SGCZ: variants seen among roughly 807,000 people sequenced by gnomAD.
The protein encoded by SGCZ is zeta-sarcoglycan.
A neutral mutation model predicts 41.3 loss-of-function variants in SGCZ; 40 were observed. The observed-to-expected ratio is 0.97, with a 90% CI of 0.75 to 1.26. The LOEUF (loss-of-function observed/expected upper bound fraction) is 1.26, where lower values mean the gene tolerates loss of function less well. Ranked by LOEUF, SGCZ falls within the 50% of genes most tolerant of loss-of-function variation. The pLI is 0.00. For synonymous variants in SGCZ, 206 were observed against 137.5 expected (o/e 1.50, Z -3.49); for missense variants, 552 against 369.8 (o/e 1.49, Z -4.04).
chr8:14,140,000 C>T (rs991247336), intron 5 of SGCZ, among the ~76,000 whole-genome samples: 2 of 152,134 alleles, frequency 1.3e-5, no homozygotes, highest in East Asian at 1.9e-4. Flanking sequence ...ATCAAATTTG[C>T]TTTATCCCTG....
intron 4 of SGCZ, among the ~76,000 whole-genome samples, chr8:14,236,394 T>C (rs975846143): frequency 1.3e-5 from 2 of 152,170 alleles, no homozygotes; most frequent in African/African-American, 4.8e-5. Context: ...ACTATATTTT[T>C]AGAAAATTCA....
At position 14,645,467 on chromosome 8, in the gene SGCZ, T is replaced by G. The variant is rs141320289; in HGVS notation, c.40-90541A>C. ...CCAATTAGAAAAGTATCATTGATTA[T>G]ATATATATATTTATATGTATATATA... On this transcript the variant is annotated intron_variant, in intron 1 of 7. Transcript: ENST00000382080. Among the ~76,000 whole-genome samples, 857 of 122,684 alleles carry G rather than the reference T, an allele frequency of 7.0e-3. 17 individuals carry two copies. The highest frequency in any genetic ancestry group is 0.021 in the Middle Eastern group (5 of 242). 80.5% of individuals were successfully genotyped at this position (122,684 alleles called of 152,430 possible).
At chr8:14,299,889 C>A (rs1280324862) in intron 3 of SGCZ, among the ~76,000 whole-genome samples, 1 of 151,936 alleles carries the variant, frequency 6.6e-6, no homozygotes, top group East Asian at 1.9e-4. Flanking sequence ...TATATTCTTA[C>A]AATAAAATAC....
At chr8:14,792,224 G>T (rs558887310) in intron 1 of SGCZ, among the ~76,000 whole-genome samples, 60 of 152,304 alleles carry the variant, frequency 3.9e-4, no homozygotes, top group African/African-American at 1.4e-3. Flanking sequence ...AAGTTTTACG[G>T]TTATAACATA....
At chr8:14,628,775 A>G (rs1272679615) in intron 1 of SGCZ, among the ~76,000 whole-genome samples, 2 of 152,134 alleles carry the variant, frequency 1.3e-5, no homozygotes, top group African/African-American at 4.8e-5. Flanking sequence ...AAGGTCATTT[A>G]TCTTTCCTGT....
intron 2 of SGCZ, among the ~76,000 whole-genome samples, chr8:14,430,837 T>A (rs1261084418): frequency 6.6e-6 from 1 of 152,182 alleles, no homozygotes; most frequent in Admixed American, 6.5e-5. Flanking sequence ...TACGTAAGAA[T>A]TCAGCAAAGT....
chr8:14,242,241 T>G (rs914502756), intron 3 of SGCZ, among the ~76,000 whole-genome samples: 1 of 152,210 alleles, frequency 6.6e-6, no homozygotes, highest in Non-Finnish European at 1.5e-5. Context: ...GTTTAACTAT[T>G]ACATTAAGTC....
intron 1 of SGCZ, among the ~76,000 whole-genome samples, chr8:14,819,078 G>C (rs75038447): frequency 0.029 from 4,372 of 150,494 alleles, 180 homozygotes; most frequent in African/African-American, 0.093. Flanking sequence ...CAACCCAAAA[G>C]AACCTTCCAA....
At chr8:14,284,817 A>G (rs962338246) in intron 3 of SGCZ, among the ~76,000 whole-genome samples, 4 of 152,156 alleles carry the variant, frequency 2.6e-5, no homozygotes, top group Non-Finnish European at 5.9e-5. Context: ...TATTTTCACT[A>G]ATAGAATATT....
Position 14,198,166 on chromosome 8 carries a change from A to T in SGCZ, c.425-33464T>A, listed in dbSNP as rs555804447. 1.4e-4 allele frequency among the ~76,000 whole-genome samples: 22 copies of T among 152,354 alleles called. No individual in the cohort carries two copies. The South Asian group carries it at 3.7e-3, about 26-fold the overall frequency. On this transcript the variant is annotated intron_variant, in intron 4 of 7. Coordinates refer to ENST00000382080, the MANE Select transcript of SGCZ (RefSeq NM_139167.4). ...GAGTAGCATGATGAAATCATATGCC[A>T]TCTCATTCTGTCCCACCTGGGACAT... is the stretch of plus-strand genomic sequence containing the variant.
intron 1 of SGCZ, among the ~76,000 whole-genome samples, chr8:15,032,513 C>T (rs1195210936): frequency 6.6e-6 from 1 of 152,084 alleles, no homozygotes; most frequent in Non-Finnish European, 1.5e-5. Flanking sequence ...CAGGCTGGGA[C>T]TTATGGACTG....
At chr8:14,718,045 A>G (rs1489061535) in intron 1 of SGCZ, among the ~76,000 whole-genome samples, 2 of 147,910 alleles carry the variant, frequency 1.4e-5, no homozygotes, top group South Asian at 2.1e-4. Context: ...AACTGACTCA[A>G]ATAGTTTTCC....
chr8:14,973,428 A>G (rs937546893), intron 1 of SGCZ, among the ~76,000 whole-genome samples: 1 of 152,124 alleles, frequency 6.6e-6, no homozygotes, highest in African/African-American at 2.4e-5. Context: ...TTCTCACTAC[A>G]GCACTTGAAT....
At chr8:14,984,474 T>C (rs1396210367) in intron 1 of SGCZ, among the ~76,000 whole-genome samples, 1 of 151,810 alleles carries the variant, frequency 6.6e-6, no homozygotes. Context: ...AATCTATAGA[T>C]TTTTTTTCCT....
At chr8:14,339,543 A>T (rs558164470) in intron 2 of SGCZ, among the ~76,000 whole-genome samples, 1 of 152,318 alleles carries the variant, frequency 6.6e-6, no homozygotes, top group East Asian at 1.9e-4. Flanking sequence ...CCACACGACG[A>T]ATCAGTTGCC....
intron 2 of SGCZ, among the ~76,000 whole-genome samples, chr8:14,396,213 AT>A (rs1179655569): frequency 6.6e-6 from 1 of 152,126 alleles, no homozygotes; most frequent in African/African-American, 2.4e-5. Context: ...TCTGCTTCTT[AT>A]TTTAGTTCCT....
Position 15,125,125 on chromosome 8 carries a change from T to C in SGCZ, c.39+112460A>G, listed in dbSNP as rs1349000122. On this transcript the variant is annotated intron_variant, in intron 1 of 7. Transcript: ENST00000382080. The stretch of plus-strand genomic sequence containing the variant: ...TTACCATCTTCTTTGGCAAGCACTT[T>C]TTTTGTAATCCCCTAATTACTTCTT... Among the ~76,000 whole-genome samples, 11 of 152,196 alleles carry C rather than the reference T, an allele frequency of 7.2e-5. No homozygotes were observed. The South Asian group carries it at 1.4e-3, about 20-fold the overall frequency.
chr8:14,266,032 G>C (rs1799854633), intron 3 of SGCZ, among the ~76,000 whole-genome samples: 3 of 152,054 alleles, frequency 2.0e-5, no homozygotes, highest in African/African-American at 7.2e-5. Flanking sequence ...AGGCTCTTAA[G>C]CATGCCAAGA....
At chr8:15,060,267 C>T (rs1030580426) in intron 1 of SGCZ, among the ~76,000 whole-genome samples, 4 of 152,010 alleles carry the variant, frequency 2.6e-5, no homozygotes, top group African/African-American at 7.3e-5. Flanking sequence ...TTGGAACCAA[C>T]CCACATGTCC....
Sources: gnomAD v4.1 joint callset for allele counts (sites outside exome capture counted in the v4.1 genomes callset) on GRCh38, gnomAD v4.1.1 for gene constraint, MANE v1.5 for transcripts, NCBI Gene and HGNC (gene_info 2026-07-23, HGNC 2026-07-21) for gene names.